Variants in RIMS1 observed in about 807,000 individuals in gnomAD.
The protein encoded by RIMS1 is regulating synaptic membrane exocytosis 1.
A neutral mutation model predicts 214.1 loss-of-function variants in RIMS1; 83 were observed. The ratio of observed to expected loss-of-function variants is 0.39; its 90% CI spans 0.32 to 0.47. The LOEUF is 0.47. Among genes scored for constraint, RIMS1 ranks in the 20% least tolerant of loss-of-function variants. The pLI is 0.99. For synonymous variants in RIMS1, 793 were observed against 786.8 expected, an observed-to-expected ratio of 1.01 and a Z score of -0.13; for missense variants, 2,050 against 2,161.8, an observed-to-expected ratio of 0.95 and a Z score of 1.03.
At chr6:72,142,249 T>G (rs987719870) in intron 4 of RIMS1, among the ~76,000 whole-genome samples, 7 of 152,134 alleles carry the variant, frequency 4.6e-5, no homozygotes, top group African/African-American at 9.6e-5. Context: ...TAAATTGACC[T>G]GCTATATTTA....
chr6:72,294,070 G>T (rs968261279), intron 26 of RIMS1, among the ~76,000 whole-genome samples: 1 of 151,424 alleles, frequency 6.6e-6, no homozygotes, highest in African/African-American at 2.4e-5. Flanking sequence ...AAGAGACCTG[G>T]TTGGTGTTTT....
At chr6:72,080,178 C>T (rs955739723) in intron 2 of RIMS1, among the ~76,000 whole-genome samples, 19 of 149,168 alleles carry the variant, frequency 1.3e-4, no homozygotes, top group African/African-American at 4.0e-4. Flanking sequence ...GCAGGAGAAT[C>T]GCTGGAACCC....
chr6:72,381,880 ATAACT>A (rs1401231883), intron 29 of RIMS1, among the ~76,000 whole-genome samples: 2 of 152,240 alleles, frequency 1.3e-5, no homozygotes, highest in East Asian at 1.9e-4. Context: ...GTATCTGTAA[ATAACT>A]TAAAGTACAT....
rs765391635 is a variant in RIMS1, at chr6:72,398,347, C to T, written c.4717C>T (p.Pro1573Ser). 1 of 1,588,510 alleles carries T rather than the reference C, an allele frequency of 6.3e-7. No individual in the cohort carries two copies. The highest frequency in any genetic ancestry group is 8.6e-7 in the Non-Finnish European group (1 of 1,163,848). ...ACAAAAGCCTGGTTCCAAATCTACA[C>T]CTGGTAAGGAGAAGTATTCCTGAAT... ...LTQKPGSKST[P>S]APYVKVYLLE... Residue 1573 changes from proline to serine, a missense_variant, in exon 32 of 34, where the codon CCT becomes TCT. By Grantham distance (74) the Pro-to-Ser change is moderately conservative (BLOSUM62 -1). Coordinates refer to ENST00000521978, the MANE Select transcript of RIMS1 (RefSeq NM_014989.7).
Position 72,002,119 on chromosome 6 carries a change from G to A in RIMS1, c.245+33056G>A, listed in dbSNP as rs9446533. 9.8e-3 allele frequency among the ~76,000 whole-genome samples: 1,493 copies of A among 152,184 alleles called. 28 individuals carry two copies. The highest frequency in any genetic ancestry group is 0.034 in the African/African-American group (1,417 of 41,518). Reference sequence around the variant, plus strand: ...TCCATTTTCTGGCTCTCATCAGTCCGTCTTGCTGCTAAATGCATGCTGAGT... The same window carrying A: ...TCCATTTTCTGGCTCTCATCAGTCCATCTTGCTGCTAAATGCATGCTGAGT... On this transcript the variant is annotated intron_variant, in intron 2 of 33. Coordinates refer to ENST00000521978, the MANE Select transcript of RIMS1 (RefSeq NM_014989.7).
At chr6:72,075,262 A>G (rs1831522805) in intron 2 of RIMS1, among the ~76,000 whole-genome samples, 1 of 151,972 alleles carries the variant, frequency 6.6e-6, no homozygotes, top group Non-Finnish European at 1.5e-5. Flanking sequence ...AAAAAACAAA[A>G]CAAAACAAAA....
intron 23 of RIMS1, among the ~76,000 whole-genome samples, chr6:72,281,269 T>C (rs534693556): frequency 6.6e-6 from 1 of 152,230 alleles, no homozygotes; most frequent in South Asian, 2.1e-4. Flanking sequence ...GGAAAGAAGA[T>C]TATATGAGAT....
Position 72,399,061 on chromosome 6 carries a change from T to C in RIMS1, c.4827T>C (p.Val1609=). 2 of 1,608,348 alleles carry C rather than the reference T, an allele frequency of 1.2e-6. No homozygotes were observed. The highest frequency in any genetic ancestry group is 1.7e-6 in the Non-Finnish European group (2 of 1,176,912). ...TLDPLYQQSL[V]FDESPQGKVL... ...ATCCTTTGTATCAGCAGTCTCTGGT[T>C]TTTGATGAAAGTCCACAGGGTAAAG... Residue 1609 remains valine, a synonymous_variant, in exon 33 of 34, where the codon GTT becomes GTC. Coordinates refer to ENST00000521978, the MANE Select transcript of RIMS1 (RefSeq NM_014989.7).
intron 22 of RIMS1, among the ~76,000 whole-genome samples, chr6:72,271,276 A>ATAT (rs1223502396): frequency 5.6e-4 from 28 of 49,598 alleles, no homozygotes; most frequent in Non-Finnish European, 8.1e-4. Context: ...AAGGAAAAAA[A>ATAT]AAAAAAAAAA....
chr6:71,988,676 A>G (rs938398239), intron 2 of RIMS1, among the ~76,000 whole-genome samples: 25 of 152,346 alleles, frequency 1.6e-4, no homozygotes, highest in Admixed American at 5.9e-4. Context: ...AGCATCTTCA[A>G]CTAAACAATG....
intron 2 of RIMS1, among the ~76,000 whole-genome samples, chr6:72,086,102 C>T (rs772094667): frequency 1.4e-4 from 21 of 152,158 alleles, no homozygotes; most frequent in Admixed American, 6.5e-5. Context: ...AGTGCTTAAG[C>T]GAATGCCATA....
At chr6:72,034,276 A>G (rs551671505) in intron 2 of RIMS1, among the ~76,000 whole-genome samples, 2 of 152,284 alleles carry the variant, frequency 1.3e-5, no homozygotes, top group South Asian at 4.1e-4. Flanking sequence ...AGTAGGACAT[A>G]CTAAAAAGTT....
chr6:72,240,262 A>T (rs2066147420), intron 9 of RIMS1, among the ~76,000 whole-genome samples: 1 of 152,190 alleles, frequency 6.6e-6, no homozygotes, highest in Non-Finnish European at 1.5e-5. Flanking sequence ...ATTTGATATT[A>T]AAAGTTATGC....
chr6:72,299,973 T>A (rs1036280273), intron 26 of RIMS1, among the ~76,000 whole-genome samples: 1 of 151,786 alleles, frequency 6.6e-6, no homozygotes, highest in African/African-American at 2.4e-5. Context: ...AAATACAAGT[T>A]TCTTAATATT....
At chr6:72,127,890 C>A (rs1255173425) in intron 4 of RIMS1, among the ~76,000 whole-genome samples, 7 of 152,082 alleles carry the variant, frequency 4.6e-5, no homozygotes, top group Admixed American at 4.6e-4. Context: ...TAGGTACAAC[C>A]CACTCCATAC....
chr6:72,371,613 G>A (rs1238054018), intron 29 of RIMS1, among the ~76,000 whole-genome samples: 1 of 152,180 alleles, frequency 6.6e-6, no homozygotes, highest in Non-Finnish European at 1.5e-5. Flanking sequence ...AAGGAATCAG[G>A]AATCAGTTGA....
At chr6:71,937,073 A>T (rs1784668466) in intron 1 of RIMS1, among the ~76,000 whole-genome samples, 1 of 152,194 alleles carries the variant, frequency 6.6e-6, no homozygotes, top group Non-Finnish European at 1.5e-5. Context: ...CAGTGTAACT[A>T]TTGGCTTTTC....
At chr6:72,371,141 T>C (rs2098204452) in intron 29 of RIMS1, among the ~76,000 whole-genome samples, 4 of 152,180 alleles carry the variant, frequency 2.6e-5, no homozygotes, top group African/African-American at 9.7e-5. Flanking sequence ...TCTGTGTCTG[T>C]ATGTGTATGT....
intron 4 of RIMS1, among the ~76,000 whole-genome samples, chr6:72,153,139 A>C (rs1035142757): frequency 1.5e-5 from 2 of 134,000 alleles, no homozygotes; most frequent in Non-Finnish European, 3.5e-5. Context: ...TTCCCTATGT[A>C]TATATATGGA....
Sources: gnomAD v4.1 joint callset for allele counts (sites outside exome capture counted in the v4.1 genomes callset) on GRCh38, gnomAD v4.1.1 for gene constraint, MANE v1.5 for transcripts, NCBI Gene and HGNC (gene_info 2026-07-23, HGNC 2026-07-21) for gene names.